RBL1: variants seen among roughly 807,000 people sequenced by gnomAD.
The protein encoded by RBL1 is RB transcriptional corepressor like 1, also known as retinoblastoma-like protein 1.
RBL1 carries 82 observed loss-of-function variants against 123.0 expected under a neutral mutation model. The ratio of observed to expected loss-of-function variants is 0.67; its 90% CI spans 0.56 to 0.80. The LOEUF is 0.80. RBL1 is among the 30% of genes least tolerant of loss of function. RBL1 has a pLI of 0.00. For missense variants in RBL1, 1,171 were observed against 1,299.6 expected, an observed-to-expected ratio of 0.90 and a Z score of 1.52; for synonymous variants, 405 against 441.3, an observed-to-expected ratio of 0.92 and a Z score of 1.03.
At chr20:37,067,876 T>G in intron 3 of RBL1, 110 bp downstream of exon 3, 1 of 1,250,926 alleles carries the variant, frequency 8.0e-7, no homozygotes, top group South Asian at 1.5e-5. Context: ...AAGAAAATAA[T>G]TAAGTTCTTT....
chr20:37,003,418 A>G (rs1568811183), intron 21 of RBL1, among the ~76,000 whole-genome samples: 1 of 152,100 alleles, frequency 6.6e-6, no homozygotes, highest in East Asian at 1.9e-4. Context: ...AGGTCTGACC[A>G]CTTGCAGGTG....
intron 18 of RBL1, 101 bp downstream of exon 18, chr20:37,020,558 G>T: frequency 1.3e-6 from 1 of 799,276 alleles, no homozygotes; most frequent in Non-Finnish European, 2.0e-6. Context: ...CAGAAAATCT[G>T]AAGTATATTA....
chr20:37,087,212 G>A (rs1008220300), intron 2 of RBL1, among the ~76,000 whole-genome samples: 3 of 152,116 alleles, frequency 2.0e-5, no homozygotes, highest in Admixed American at 2.0e-4. Flanking sequence ...GCACATGCCT[G>A]TAGTCCCAGC....
At chr20:37,003,639 GAGGC>G in intron 21 of RBL1, 59 bp downstream of exon 21, 1 of 1,397,680 alleles carries the variant, frequency 7.2e-7, no homozygotes, top group South Asian at 1.7e-5. Context: ...AAAAAAAAAA[GAGGC>G]AGGATTAACA....
chr20:37,093,292 A>G (rs1250988865), intron 1 of RBL1, among the ~76,000 whole-genome samples: 1 of 152,120 alleles, frequency 6.6e-6, no homozygotes, highest in Non-Finnish European at 1.5e-5. Flanking sequence ...AAAAGAGGAA[A>G]ATAAACACTG....
intron 20 of RBL1, among the ~76,000 whole-genome samples, chr20:37,007,132 C>T (rs1421783010): frequency 6.6e-6 from 1 of 152,006 alleles, no homozygotes. Flanking sequence ...GGCTGTCGTA[C>T]CAGCTATTTG....
intron 2 of RBL1, among the ~76,000 whole-genome samples, chr20:37,075,460 C>CT (rs575871066): frequency 2.6e-4 from 38 of 148,794 alleles, no homozygotes; most frequent in East Asian, 9.7e-4. Flanking sequence ...AATTTGTTCA[C>CT]TTTTTTTTTT....
rs1344104944 is a variant in RBL1 at position 37,035,457 on chromosome 20, G to A, written c.1955C>T (p.Thr652Ile). Residue 652 changes from threonine to isoleucine, a missense_variant, in exon 15 of 22, where the codon ACC becomes ATC. Transcript: ENST00000373664. ...ISVHERYSSPTAGSAKRRLFG... is the reference protein window; with the variant it reads ...ISVHERYSSPIAGSAKRRLFG... ...GAGTCTTCTCTTAGCACTCCCTGCG[G>A]TAGGAGAACTGTAGCGTTCATGGAC... is the stretch of plus-strand genomic sequence containing the variant. 1.2e-6 allele frequency: 2 copies of A among 1,613,158 alleles called. No individual in the cohort carries two copies. Among genetic ancestry groups the A allele is most frequent in the South Asian group, 1.1e-5 (1 of 90,946 alleles).
chr20:37,001,729 C>G (rs1482704908), intron 21 of RBL1, among the ~76,000 whole-genome samples: 1 of 130,642 alleles, frequency 7.7e-6, no homozygotes, highest in Non-Finnish European at 1.6e-5. Context: ...TCCCCCTCTG[C>G]GAGAAACACC....
chr20:37,001,034 A>G (rs2063968679), intron 21 of RBL1, among the ~76,000 whole-genome samples: 1 of 129,290 alleles, frequency 7.7e-6, no homozygotes, highest in South Asian at 2.5e-4. Flanking sequence ...GGGGGGGGTC[A>G]GCCCCCCACC....
chr20:37,005,894 C>CTTTTTTTTT (rs1013303071), intron 20 of RBL1, among the ~76,000 whole-genome samples: 1 of 98,142 alleles, frequency 1.0e-5, no homozygotes, highest in Non-Finnish European at 1.9e-5. Flanking sequence ...TTTTTTCTTT[C>CTTTTTTTTT]TTTTTTTTTT....
rs75770548 is a variant in RBL1 at position 37,089,731 on chromosome 20, C to A, written c.157-609G>T. On this transcript the variant is annotated intron_variant, in intron 1 of 21. Transcript: ENST00000373664. ...AATACAGGCATATGCCACATAACAT[C>A]TTGGTCAACACTGGACCACATATAC... Among the ~76,000 whole-genome samples, 7 of 152,062 alleles carry A rather than the reference C, an allele frequency of 4.6e-5. No homozygotes were observed. In the East Asian group the frequency reaches 1.4e-3, roughly 29 times the overall value.
At chr20:37,087,499 A>G (rs1428766334) in intron 2 of RBL1, among the ~76,000 whole-genome samples, 1 of 152,120 alleles carries the variant, frequency 6.6e-6, no homozygotes, top group Admixed American at 6.6e-5. Context: ...AAGCAGGAGG[A>G]TCATTTGAGC....
chr20:37,091,505 C>T (rs1450232742), intron 1 of RBL1, among the ~76,000 whole-genome samples: 1 of 151,454 alleles, frequency 6.6e-6, no homozygotes, highest in Non-Finnish European at 1.5e-5. Context: ...CCCGTCTGTA[C>T]AAAAAAGGAA....
intron 1 of RBL1, among the ~76,000 whole-genome samples, chr20:37,094,834 C>T (rs990277656): frequency 5.3e-5 from 8 of 152,170 alleles, no homozygotes; most frequent in African/African-American, 1.7e-4. Flanking sequence ...GATGGGGTTT[C>T]GCCGTGTTGC....
chr20:37,044,563 T>G (rs943594223), intron 12 of RBL1, among the ~76,000 whole-genome samples: 3 of 152,160 alleles, frequency 2.0e-5, no homozygotes, highest in African/African-American at 4.8e-5. Flanking sequence ...GGTCTAGAAC[T>G]CCTGACCTCA....
chr20:37,050,075 A>AAG (rs1481102579), intron 11 of RBL1, among the ~76,000 whole-genome samples: 2 of 151,742 alleles, frequency 1.3e-5, no homozygotes, highest in Non-Finnish European at 1.5e-5. Context: ...AAAAAAAAAA[A>AAG]AGAGAGAGAG....
rs1217388808 is a variant in RBL1, at chr20:37,032,840, G to C, written c.2207C>G (p.Pro736Arg). 4.3e-6 allele frequency: 7 copies of C among 1,613,930 alleles called. No homozygotes were observed. The Admixed American group carries it at 5.0e-5, about 12-fold the overall frequency. The change falls in exon 16 of 22, where the codon CCT becomes CGT. Residue 736 changes from proline (P) to arginine (R), a missense_variant. By Grantham distance (103) the Pro-to-Arg change is moderately radical. Transcript: ENST00000373664. ...ANDAGEITLIPLSMNTNQESK... is the reference protein window; with the variant it reads ...ANDAGEITLIRLSMNTNQESK... ...CTCCTGATTTGTATTCATGGAAAGA[G>C]GTATCAGTGTGATCTCTCCAGCATC...
intron 2 of RBL1, among the ~76,000 whole-genome samples, chr20:37,079,142 G>A (rs1176381342): frequency 6.7e-6 from 1 of 149,354 alleles, no homozygotes; most frequent in African/African-American, 2.5e-5. Context: ...AGAGACTGCA[G>A]TGAGCTGAGG....
Sources: allele counts gnomAD v4.1 joint callset (sites outside exome capture counted in the v4.1 genomes callset), GRCh38; gene constraint gnomAD v4.1.1; transcripts MANE v1.5; gene names NCBI Gene and HGNC (gene_info 2026-07-23, HGNC 2026-07-21).